Variants in MTMR11 observed in about 807,000 individuals in gnomAD.
MTMR11 encodes the protein myotubularin related protein 11.
MTMR11 carries 89 observed loss-of-function variants against 100.0 expected under a neutral mutation model. That is an observed-to-expected ratio of 0.89 (90% CI 0.75 to 1.06). The LOEUF (loss-of-function observed/expected upper bound fraction) is 1.06. Ranked by LOEUF, MTMR11 falls within the 50% of genes least tolerant of loss-of-function variation. The pLI, the probability that MTMR11 is intolerant of heterozygous loss-of-function variation, is 0.00. For missense variants in MTMR11, 809 were observed against 873.7 expected (o/e 0.93, Z 0.93); for synonymous variants, 336 against 326.3 (o/e 1.03, Z -0.32).
In MTMR11 at chr1:149,931,812, A is replaced by T. The variant is rs1311764122; in HGVS notation, c.1123+132T>A. ...GGCAGAGGTAGCACTGAAGGATGAG[A>T]GTAGAGCTCGCAGGTAGTTCCCAGG... On this transcript the variant is annotated intron_variant, in intron 12 of 16. Coordinates refer to ENST00000439741, the MANE Select transcript of MTMR11 (RefSeq NM_001145862.2). 12 of 761,386 alleles carry T rather than the reference A, an allele frequency of 1.6e-5. No homozygotes were observed. The South Asian group carries it at 1.9e-4, about 12-fold the overall frequency. The allele number at this position is 761,386 out of a possible 1,614,324, so 47.2% of individuals were successfully genotyped here.
In MTMR11 at chr1:149,928,689, G is replaced by T; in HGVS notation, c.*440C>A. On this transcript the variant is annotated 3_prime_UTR_variant, in exon 17 of 17. Transcript: ENST00000439741. ...TATGCTTTAATGAGCCCCTTAAATA[G>T]AAATTCCACTACAAAAATACAGAGG... 1.6e-6 allele frequency: 1 copy of T among 629,196 alleles called. No homozygotes were observed. Among genetic ancestry groups the T allele is most frequent in the East Asian group, 2.7e-5 (1 of 36,582 alleles). The allele number at this position is 629,196 out of a possible 1,614,324, so 39.0% of individuals were successfully genotyped here. A position where few individuals can be genotyped will look rare whatever the true frequency, so the allele number is the denominator to read the frequency against.
chr1:149,934,312 A>T lies in MTMR11; in HGVS notation c.562T>A (p.Ser188Thr). ...ATGAGAGGAATTGGTGGTTTTCTGG[A>T]GCCAGAACCCTGGCCTAGAACAGGA... ...TLSKAGQGSG[S>T]RKPPIPLMET... Residue 188 changes from serine (S) to threonine (T), a missense_variant, in exon 7 of 17, where the codon TCC becomes ACC. By Grantham distance (58) the Ser-to-Thr change is moderately conservative. Transcript: ENST00000439741. 1 of 1,614,192 alleles carries T rather than the reference A, an allele frequency of 6.2e-7. No individual in the cohort carries two copies. Among genetic ancestry groups the T allele is most frequent in the Non-Finnish European group, 8.5e-7 (1 of 1,180,030 alleles).
intron 3 of MTMR11, 62 bp downstream of exon 3, chr1:149,935,522 C>T (rs974017961): frequency 4.4e-6 from 7 of 1,597,464 alleles, no homozygotes; most frequent in Admixed American, 3.4e-5. Context: ...TTGTCTAAAT[C>T]CTGCTAGACT....
intron 10 of MTMR11, 69 bp downstream of exon 10, chr1:149,933,337 G>A (rs2092684346): frequency 6.9e-6 from 11 of 1,585,734 alleles, no homozygotes; most frequent in South Asian, 3.4e-5. Flanking sequence ...GCAAGCAAAG[G>A]GTAAACCAGG....
At chr1:149,934,591 G>A (rs1324570070) in intron 5 of MTMR11, 65 bp from the exon 6 acceptor site, 1 of 1,498,440 alleles carries the variant, frequency 6.7e-7, no homozygotes, top group Non-Finnish European at 9.3e-7. Context: ...AGGAAATGGA[G>A]CCCATGTGTT....
intron 10 of MTMR11, among the ~76,000 whole-genome samples, chr1:149,932,618 T>C (rs1196345234): frequency 6.6e-6 from 1 of 152,012 alleles, no homozygotes; most frequent in Non-Finnish European, 1.5e-5. Flanking sequence ...AGTGAGTCTG[T>C]GGGAGAGGTG....
At position 149,935,130 on chromosome 1, in the gene MTMR11, T is replaced by C. The variant is rs781942923; in HGVS notation, c.326-2A>G. The C allele has an allele frequency of 9.3e-6, 15 of 1,614,012 alleles. No homozygotes were observed. Among genetic ancestry groups the C allele is most frequent in the African/African-American group, 2.7e-5 (2 of 74,910 alleles). ...GCTGGACTCGGGACAAGCCGCTCAC[T>C]GAAGTCAAGAGGTACAGAACAGTGT... is the stretch of plus-strand genomic sequence containing the variant. On this transcript the variant is annotated splice_acceptor_variant, in intron 4 of 16. Coordinates refer to ENST00000439741, the MANE Select transcript of MTMR11 (RefSeq NM_001145862.2). LOFTEE classifies it high-confidence loss of function.
At chr1:149,932,687 T>C (rs1196293463) in intron 10 of MTMR11, among the ~76,000 whole-genome samples, 1 of 152,118 alleles carries the variant, frequency 6.6e-6, no homozygotes, top group African/African-American at 2.4e-5. Context: ...GGCTTGTGCC[T>C]GTAATCCCAG....
chr1:149,929,062 AGT>A lies in MTMR11; in HGVS notation c.*65_*66del. The stretch of plus-strand genomic sequence containing the variant: ...CCTTCTTAGTGAACTTAAGGGCTGA[AGT>A]GTGAAAGCTGAGGCTGCAAGTGCAG... On this transcript the variant is annotated 3_prime_UTR_variant, in exon 17 of 17. Coordinates refer to ENST00000439741, the MANE Select transcript of MTMR11 (RefSeq NM_001145862.2). 6.3e-7 allele frequency: 1 copy of A among 1,577,852 alleles called. No homozygotes were observed. The highest frequency in any genetic ancestry group is 1.2e-5 in the South Asian group (1 of 85,440).
intron 11 of MTMR11, 107 bp downstream of exon 11, chr1:149,932,157 G>T: frequency 7.1e-7 from 1 of 1,410,652 alleles, no homozygotes; most frequent in South Asian, 1.2e-5. Context: ...CAGTCTTCTT[G>T]GGAAACCGAG....
rs1330027957 is a variant in MTMR11 at position 149,929,296 on chromosome 1, T to C, written c.1963A>G (p.Ile655Val). 4.3e-6 allele frequency: 7 copies of C among 1,613,864 alleles called. No homozygotes were observed. Among genetic ancestry groups the C allele is most frequent in the South Asian group, 1.1e-5 (1 of 91,078 alleles). ...EVQMGLSAPT[I>V]SGLQDELSHL... ...GATAGCTCATCCTGGAGGCCAGAGATTGTGGGAGCTGAGAGGCCCATCTGG... is the reference window on the plus strand; with the variant it reads ...GATAGCTCATCCTGGAGGCCAGAGACTGTGGGAGCTGAGAGGCCCATCTGG... The change falls in exon 17 of 17, where the codon ATC becomes GTC. Residue 655 changes from isoleucine (I) to valine (V), a missense_variant. Transcript: ENST00000439741.
intron 15 of MTMR11, 53 bp from the exon 16 acceptor site, chr1:149,929,969 T>G: frequency 1.9e-6 from 3 of 1,552,928 alleles, no homozygotes; most frequent in Non-Finnish European, 2.6e-6. Flanking sequence ...AACCCTAGTT[T>G]CCCCAATCTG....
rs1057743 is a variant in MTMR11 at position 149,929,065 on chromosome 1, G to A, written c.*64C>T. 6.4e-7 allele frequency: 1 copy of A among 1,571,214 alleles called. No individual in the cohort carries two copies. Among genetic ancestry groups the A allele is most frequent in the South Asian group, 1.2e-5 (1 of 84,444 alleles). On this transcript the variant is annotated 3_prime_UTR_variant, in exon 17 of 17. Transcript: ENST00000439741. ...TCTTAGTGAACTTAAGGGCTGAAGT[G>A]TGAAAGCTGAGGCTGCAAGTGCAGA... is the stretch of plus-strand genomic sequence containing the variant.
chr1:149,930,487 A>C lies in MTMR11; in HGVS notation c.1525T>G (p.Phe509Val). ...GYSQPPAGNS[F>V]NLQLSVWDWD... ...TCCCAGACAGACAGCTGCAGGTTAA[A>C]AGAGTTCCCAGCTGGAGGCTGGGAG... The change falls in exon 15 of 17, where the codon TTT (phenylalanine) becomes GTT (valine). Residue 509 changes from phenylalanine (F) to valine (V), a missense_variant. Coordinates refer to ENST00000439741, the MANE Select transcript of MTMR11 (RefSeq NM_001145862.2). The C allele has an allele frequency of 6.2e-7, 1 of 1,614,118 alleles. No homozygotes were observed. Among genetic ancestry groups the C allele is most frequent in the Non-Finnish European group, 8.5e-7 (1 of 1,179,990 alleles).
intron 14 of MTMR11, 88 bp from the exon 15 acceptor site, chr1:149,930,635 G>A: frequency 7.1e-7 from 1 of 1,407,982 alleles, no homozygotes. Flanking sequence ...TCTTATTCTA[G>A]GAAAGATGTA....
chr1:149,929,982 T>G, intron 15 of MTMR11, 66 bp from the exon 16 acceptor site: 1 of 1,510,262 alleles, frequency 6.6e-7, no homozygotes, highest in Non-Finnish European at 9.0e-7. Context: ...CCAATCTGGA[T>G]CAGGACAGGG....
chr1:149,930,283 C>A, intron 15 of MTMR11, 82 bp downstream of exon 15: 2 of 1,390,698 alleles, frequency 1.4e-6, no homozygotes, highest in Non-Finnish European at 2.0e-6. Context: ...GAACTCAAGA[C>A]ATTTTGTCTT....
intron 13 of MTMR11, 95 bp from the exon 14 acceptor site, chr1:149,931,060 G>T (rs920381366): frequency 7.3e-7 from 1 of 1,371,446 alleles, no homozygotes; most frequent in African/African-American, 1.5e-5. Flanking sequence ...GGAATAGGGG[G>T]AACTTATGGA....
rs1463070968 is a variant in MTMR11, at chr1:149,936,754, A to G, written c.-107T>C. On this transcript the variant is annotated 5_prime_UTR_variant, in exon 1 of 17. Coordinates refer to ENST00000439741, the MANE Select transcript of MTMR11 (RefSeq NM_001145862.2). ...CTTGTTGAGAAGAGGGGTGTTAGGG[A>G]GAGGGGTAGGGGGTTGGACACAAGG... The G allele has an allele frequency of 1.2e-5, 9 of 767,534 alleles. No individual in the cohort carries two copies. Among genetic ancestry groups the G allele is most frequent in the Middle Eastern group, 2.3e-4 (1 of 4,444 alleles). 47.5% of individuals were successfully genotyped at this position (767,534 alleles called of 1,614,324 possible). A position where few individuals can be genotyped will look rare whatever the true frequency, so the allele number is the denominator to read the frequency against.
Sources: allele counts gnomAD v4.1 joint callset (sites outside exome capture counted in the v4.1 genomes callset), GRCh38; gene constraint gnomAD v4.1.1; transcripts MANE v1.5; gene names NCBI Gene and HGNC (gene_info 2026-07-23, HGNC 2026-07-21).